STARD4: variants seen among roughly 807,000 people sequenced by gnomAD.
STARD4 encodes StAR related lipid transfer domain containing 4.
A neutral mutation model predicts 24.9 loss-of-function variants in STARD4; 33 were observed. That is an observed-to-expected ratio of 1.32 (90% CI 1.00 to 1.77). The LOEUF is 1.77. Among genes scored for constraint, STARD4 ranks in the 40% most tolerant of loss-of-function variants. The probability of loss-of-function intolerance (pLI) is 0.00; values close to 1 mark genes in which losing one functional copy is unlikely to be tolerated. For missense variants in STARD4, 238 were observed against 249.3 expected (o/e 0.95, Z 0.31); for synonymous variants, 88 against 77.4 (o/e 1.14, Z -0.72).
At chr5:111,511,581 G>T (rs192249260) in intron 1 of STARD4, among the ~76,000 whole-genome samples, 148 of 148,900 alleles carry the variant, frequency 9.9e-4, no homozygotes, top group African/African-American at 3.7e-3. Context: ...TACAGAAAGG[G>T]AAAATAGCAA....
At chr5:111,506,403 G>A in intron 2 of STARD4, 24 bp from the exon 3 acceptor site, 3 of 1,217,796 alleles carry the variant, frequency 2.5e-6, no homozygotes, top group Non-Finnish European at 3.5e-6. Flanking sequence ...AACATTATAT[G>A]GTAATAATTG....
At chr5:111,509,923 A>G (rs1757127182) in intron 1 of STARD4, among the ~76,000 whole-genome samples, 1 of 152,184 alleles carries the variant, frequency 6.6e-6, no homozygotes, top group African/African-American at 2.4e-5. Context: ...TCCTAGAACT[A>G]CAGAAACAGA....
intron 5 of STARD4, 182 bp from the exon 6 acceptor site, chr5:111,500,288 G>A: frequency 8.2e-6 from 11 of 1,335,684 alleles, no homozygotes; most frequent in Non-Finnish European, 1.0e-5. Flanking sequence ...CTGACAAGAG[G>A]TTGGCAGATA....
chr5:111,507,696 G>A lies in STARD4; in HGVS notation c.-9-254C>T, dbSNP rs144729806. 9.2e-3 allele frequency among the ~76,000 whole-genome samples: 1,399 copies of A among 152,200 alleles called. 23 individuals carry two copies. Among genetic ancestry groups the A allele is most frequent in the African/African-American group, 0.032 (1,315 of 41,524 alleles). On this transcript the variant is annotated intron_variant, in intron 1 of 5. Transcript: ENST00000296632. The surrounding 1 kb of genome is among the most constrained non-coding windows in gnomAD (Gnocchi z 4.4). ...TTTTACAATTAAAATCACTCATACA[G>A]AAAGTAGAAGAGAAGACAGGAGGAA...
At chr5:111,504,151 G>A (rs1191837697) in intron 3 of STARD4, among the ~76,000 whole-genome samples, 3 of 152,242 alleles carry the variant, frequency 2.0e-5, no homozygotes, top group African/African-American at 7.2e-5. Flanking sequence ...TAGTAAGGTT[G>A]GAAGATATAC....
intron 3 of STARD4, among the ~76,000 whole-genome samples, chr5:111,503,968 A>C (rs1324014024): frequency 6.6e-6 from 1 of 152,200 alleles, no homozygotes; most frequent in Non-Finnish European, 1.5e-5. Context: ...GACTGACCTG[A>C]AATGTCAAGA....
At chr5:111,506,287 G>C in intron 3 of STARD4, 43 bp downstream of exon 3, 1 of 1,035,612 alleles carries the variant, frequency 9.7e-7, no homozygotes, top group Non-Finnish European at 1.3e-6. Flanking sequence ...TATAAGTTTT[G>C]AAATGTCTTA....
In STARD4 at chr5:111,496,424, T is replaced by A. The variant is rs1756099949; in HGVS notation, c.*3462A>T. On this transcript the variant is annotated 3_prime_UTR_variant, in exon 6 of 6. Coordinates refer to ENST00000296632, the MANE Select transcript of STARD4 (RefSeq NM_139164.3). ...AACACAGGTTCTAGGGGAAACCTGATCAAGCCCTTAGCTTCTCTAGTTCTG... is the reference window on the plus strand; with the variant it reads ...AACACAGGTTCTAGGGGAAACCTGAACAAGCCCTTAGCTTCTCTAGTTCTG... The A allele has an allele frequency of 6.6e-6, 1 of 152,126 alleles. No homozygotes were observed. The highest frequency in any genetic ancestry group is 2.4e-5 in the African/African-American group (1 of 41,454). 9.4% of individuals were successfully genotyped at this position (152,126 alleles called of 1,614,324 possible).
rs1218067005 is a variant in STARD4, at chr5:111,507,708, G to C, written c.-9-266C>G. Among the ~76,000 whole-genome samples the C allele has an allele frequency of 2.0e-5, 3 of 152,104 alleles. No homozygotes were observed. The East Asian group carries it at 5.8e-4, about 29-fold the overall frequency. On this transcript the variant is annotated intron_variant, in intron 1 of 5. Coordinates refer to ENST00000296632, the MANE Select transcript of STARD4 (RefSeq NM_139164.3). The surrounding 1 kb of genome is among the most constrained non-coding windows in gnomAD (Gnocchi z 4.4). ...AATCACTCATACAGAAAGTAGAAGA[G>C]AAGACAGGAGGAAGGGGAAGCAATT...
rs768799798 is a variant in STARD4, at chr5:111,500,971, GAAA to G, written c.397+28_397+30del. ...AAAACACAAATATTTAAACCATACTGAAAAAAAGCATAACATGTTGAGATTATT... is the reference window on the plus strand; with the variant it reads ...AAAACACAAATATTTAAACCATACTGAAAAGCATAACATGTTGAGATTATT... On this transcript the variant is annotated intron_variant, in intron 5 of 5. Coordinates refer to ENST00000296632, the MANE Select transcript of STARD4 (RefSeq NM_139164.3). 11 of 1,613,200 alleles carry G rather than the reference GAAA, an allele frequency of 6.8e-6. No homozygotes were observed. In the Admixed American group the frequency reaches 1.8e-4, roughly 27 times the overall value.
intron 3 of STARD4, among the ~76,000 whole-genome samples, chr5:111,504,028 G>C (rs149187661): frequency 1.6e-4 from 24 of 152,202 alleles, no homozygotes; most frequent in African/African-American, 5.5e-4. Context: ...ATACTAACAA[G>C]AACAATCTGA....
At chr5:111,510,594 T>C (rs1396551417) in intron 1 of STARD4, among the ~76,000 whole-genome samples, 1 of 152,230 alleles carries the variant, frequency 6.6e-6, no homozygotes, top group African/African-American at 2.4e-5. Flanking sequence ...GTCAGTCCCA[T>C]GGCCAAATGC....
At chr5:111,502,215 TC>T in intron 3 of STARD4, 127 bp from the exon 4 acceptor site, 2 of 1,093,964 alleles carry the variant, frequency 1.8e-6, no homozygotes, top group Non-Finnish European at 2.5e-6. Context: ...ATGTCTGTAA[TC>T]CCAGCATTCT....
intron 1 of STARD4, among the ~76,000 whole-genome samples, chr5:111,511,975 T>C (rs775696710): frequency 6.6e-5 from 10 of 152,254 alleles, no homozygotes; most frequent in Non-Finnish European, 1.3e-4. Context: ...GCCCCTGCGC[T>C]GTCTGTGCAC....
intron 1 of STARD4, among the ~76,000 whole-genome samples, chr5:111,511,425 C>T (rs1025732569): frequency 6.6e-6 from 1 of 152,150 alleles, no homozygotes; most frequent in South Asian, 2.1e-4. Context: ...AGTAATAGTC[C>T]TCCTTGAGAA....
rs1352167216 is a variant in STARD4 at position 111,497,877 on chromosome 5, C to T, written c.*2009G>A. 6.6e-6 allele frequency: 1 copy of T among 151,892 alleles called. No homozygotes were observed. The highest frequency in any genetic ancestry group is 2.4e-5 in the African/African-American group (1 of 41,366). The allele number at this position is 151,892 out of a possible 1,614,324, so 9.4% of individuals were successfully genotyped here. A position where few individuals can be genotyped will look rare whatever the true frequency, so the allele number is the denominator to read the frequency against. On this transcript the variant is annotated 3_prime_UTR_variant, in exon 6 of 6. Transcript: ENST00000296632. ...CTCTTAAAAATGAAACCAAACATAA[C>T]CTGCTGTAATTATCCTGGCAACAGT...
At chr5:111,500,304 T>C (rs1296950165) in intron 5 of STARD4, 198 bp from the exon 6 acceptor site, 1 of 1,320,878 alleles carries the variant, frequency 7.6e-7, no homozygotes, top group Admixed American at 3.5e-5. Flanking sequence ...AGATAGGTAA[T>C]GGGGAAACTT....
At chr5:111,502,191 G>C in intron 3 of STARD4, 103 bp from the exon 4 acceptor site, 1 of 1,355,490 alleles carries the variant, frequency 7.4e-7, no homozygotes, top group East Asian at 2.4e-5. Context: ...AAATTAGGCC[G>C]GGTAGGGTGG....
In STARD4 at chr5:111,497,669, T is replaced by C. The variant is rs1049776153; in HGVS notation, c.*2217A>G. ...TAATGTGGCTTCTAGAATTTTTTAATTACATATATCACTTACATTATTGTT... is the reference window on the plus strand; with the variant it reads ...TAATGTGGCTTCTAGAATTTTTTAACTACATATATCACTTACATTATTGTT... On this transcript the variant is annotated 3_prime_UTR_variant, in exon 6 of 6. Transcript: ENST00000296632. 3 of 152,106 alleles carry C rather than the reference T, an allele frequency of 2.0e-5. No individual in the cohort carries two copies. The highest frequency in any genetic ancestry group is 4.4e-5 in the Non-Finnish European group (3 of 67,930). 9.4% of individuals were successfully genotyped at this position (152,106 alleles called of 1,614,324 possible). A position where few individuals can be genotyped will look rare whatever the true frequency, so the allele number is the denominator to read the frequency against.
Sources: gnomAD v4.1 joint callset for allele counts (sites outside exome capture counted in the v4.1 genomes callset) on GRCh38, gnomAD v4.1.1 for gene constraint, Gnocchi (gnomAD v3.1) non-coding constraint, MANE v1.5 for transcripts, NCBI Gene and HGNC (gene_info 2026-07-23, HGNC 2026-07-21) for gene names.